USP39: variants seen among roughly 807,000 people sequenced by gnomAD.
The protein encoded by USP39 is ubiquitin carboxyl-terminal hydrolase 39.
In USP39, 38 loss-of-function variants were observed where a neutral mutation model predicts 66.4. The observed-to-expected ratio is 0.57, with a 90% CI of 0.44 to 0.75. The LOEUF (loss-of-function observed/expected upper bound fraction) is 0.75. USP39 is among the 30% of genes least tolerant of loss of function. The pLI, the probability that USP39 is intolerant of heterozygous loss-of-function variation, is 0.00. For synonymous variants in USP39, 303 were observed against 274.6 expected, an observed-to-expected ratio of 1.10 and a Z score of -1.02; for missense variants, 608 against 714.4, an observed-to-expected ratio of 0.85 and a Z score of 1.70.
chr2:85,603,783 C>CG (rs1183114342), intron 1 of USP39, among the ~76,000 whole-genome samples: 1 of 152,028 alleles, frequency 6.6e-6, no homozygotes, highest in Admixed American at 6.6e-5. Flanking sequence ...TTAGTAGAGA[C>CG]GGGGTTTCAC....
intron 2 of USP39, 65 bp from the exon 3 acceptor site, chr2:85,621,420 C>T (rs1160539225): frequency 5.0e-6 from 7 of 1,413,778 alleles, no homozygotes; most frequent in African/African-American, 2.8e-5. Context: ...AGAGCCAGCA[C>T]TGCTTCATTT....
At chr2:85,617,680 G>C (rs1001416731) in intron 1 of USP39, among the ~76,000 whole-genome samples, 3 of 152,180 alleles carry the variant, frequency 2.0e-5, no homozygotes, top group Non-Finnish European at 2.9e-5. Flanking sequence ...GATTCTCTAA[G>C]CACGGGGTTC....
intron 1 of USP39, among the ~76,000 whole-genome samples, chr2:85,618,207 C>A (rs1674145346): frequency 6.6e-6 from 1 of 152,086 alleles, no homozygotes; most frequent in East Asian, 2.0e-4. Context: ...CCGCCTGCCT[C>A]TGCCTCCCAG....
Position 85,616,225 on chromosome 2 carries a change from C to A in USP39, c.30C>A (p.Arg10=), listed in dbSNP as rs11544042. ...CCGGCCGGTCTAAGCGGGAGTCTCG[C>A]GGTTCCACTCGCGGGAAGCGAGAGT... is the stretch of plus-strand genomic sequence containing the variant. MSGRSKRES[R]GSTRGKRESE... is the part of the protein sequence containing the mutation. Residue 10 remains arginine (R), a synonymous_variant, in exon 1 of 13, where the codon CGC becomes CGA. Transcript: ENST00000323701. 1 of 1,484,008 alleles carries A rather than the reference C, an allele frequency of 6.7e-7. No individual in the cohort carries two copies. The highest frequency in any genetic ancestry group is 9.0e-7 in the Non-Finnish European group (1 of 1,115,648). 91.9% of individuals were successfully genotyped at this position (1,484,008 alleles called of 1,614,324 possible).
chr2:85,604,352 G>A (rs777682326), intron 1 of USP39, among the ~76,000 whole-genome samples: 1 of 152,070 alleles, frequency 6.6e-6, no homozygotes, highest in Non-Finnish European at 1.5e-5. Flanking sequence ...TGGGATTACA[G>A]GTGCCTGCCA....
intron 6 of USP39, 47 bp downstream of exon 6, chr2:85,630,993 G>T: frequency 1.3e-6 from 2 of 1,571,930 alleles, no homozygotes; most frequent in South Asian, 1.2e-5. Flanking sequence ...CTAGTTTGAT[G>T]AACAAATTTA....
chr2:85,615,896 C>G (rs1273368486), upstream of USP39, among the ~76,000 whole-genome samples: 2 of 152,052 alleles, frequency 1.3e-5, no homozygotes. Flanking sequence ...TCCCAAAGTG[C>G]TGGGATTACA....
At chr2:85,648,498 T>C (rs1676817312) in intron 12 of USP39, among the ~76,000 whole-genome samples, 1 of 152,208 alleles carries the variant, frequency 6.6e-6, no homozygotes, top group Admixed American at 6.5e-5. Context: ...CTTCTCTTTA[T>C]GTAACTGCCC....
Position 85,616,377 on chromosome 2 carries a change from A to T in USP39, c.182A>T (p.Glu61Val). Residue 61 changes from glutamate to valine, a missense_variant, in exon 1 of 13, where the codon GAG (glutamate) becomes GTG (valine). Glu to Val is a moderately radical substitution (Grantham distance 121). Transcript: ENST00000323701. Reference sequence around the variant, plus strand: ...GAGTTCGAGCCGGCGAGCGCGCGCGAGGCCCCGGCTTCTGTTGTCCCGTTT... The same window carrying T: ...GAGTTCGAGCCGGCGAGCGCGCGCGTGGCCCCGGCTTCTGTTGTCCCGTTT... ...KREFEPASAR[E>V]APASVVPFVR... 1 of 1,602,336 alleles carries T rather than the reference A, an allele frequency of 6.2e-7. No homozygotes were observed. The highest frequency in any genetic ancestry group is 8.5e-7 in the Non-Finnish European group (1 of 1,174,622).
At chr2:85,625,237 G>A (rs1674759374) in intron 4 of USP39, among the ~76,000 whole-genome samples, 1 of 152,132 alleles carries the variant, frequency 6.6e-6, no homozygotes. Flanking sequence ...CTGCCTTTAG[G>A]AACTTGAGTA....
intron 3 of USP39, among the ~76,000 whole-genome samples, chr2:85,622,054 A>G (rs1235410637): frequency 6.6e-6 from 1 of 152,048 alleles, no homozygotes; most frequent in Non-Finnish European, 1.5e-5. Flanking sequence ...TCCTGGCCGC[A>G]GGTGATCCAC....
At chr2:85,612,050 G>C (rs1673587688), upstream of USP39, 1 of 1,205,740 alleles carries the variant, frequency 8.3e-7, no homozygotes. Context: ...CGCCCACAGA[G>C]CTCCGCGCCG....
Position 85,616,248 on chromosome 2 carries a change from A to G in USP39, c.53A>G (p.Glu18Gly). 6.6e-7 allele frequency: 1 copy of G among 1,504,098 alleles called. No individual in the cohort carries two copies. Among genetic ancestry groups the G allele is most frequent in the Non-Finnish European group, 8.9e-7 (1 of 1,124,110 alleles). 93.2% of individuals were successfully genotyped at this position (1,504,098 alleles called of 1,614,324 possible). The change falls in exon 1 of 13, where the codon GAG becomes GGG. Residue 18 changes from glutamate (E) to glycine (G), a missense_variant. Glu to Gly is a moderately conservative substitution (Grantham distance 98, BLOSUM62 -2). Coordinates refer to ENST00000323701, the MANE Select transcript of USP39 (RefSeq NM_006590.4). ...ESRGSTRGKRESESRGSSGRV... is the reference protein window; with the variant it reads ...ESRGSTRGKRGSESRGSSGRV... ...CGCGGTTCCACTCGCGGGAAGCGAG[A>G]GTCTGAGTCGCGGGGCAGCTCCGGT...
chr2:85,621,783 A>G lies in USP39; in HGVS notation c.433+204A>G, dbSNP rs192160200. The stretch of plus-strand genomic sequence containing the variant: ...CTGTAAGGGAGAAAGAGCTAGTCAT[A>G]TGAAAGACTGTAATCTTAAAGACTC... On this transcript the variant is annotated intron_variant, in intron 3 of 12. Coordinates refer to ENST00000323701, the MANE Select transcript of USP39 (RefSeq NM_006590.4). Among the ~76,000 whole-genome samples the G allele has an allele frequency of 2.6e-4, 39 of 152,288 alleles. No homozygotes were observed. Among genetic ancestry groups the G allele is most frequent in the Middle Eastern group, 3.4e-3 (1 of 294 alleles).
At chr2:85,619,373 A>G (rs961582427) in intron 2 of USP39, 84 bp downstream of exon 2, 14 of 1,417,858 alleles carry the variant, frequency 9.9e-6, no homozygotes, top group Non-Finnish European at 1.3e-5. Flanking sequence ...TGAACAACAC[A>G]TTGACAAACT....
At chr2:85,605,508 G>A (rs1335749025) in intron 1 of USP39, among the ~76,000 whole-genome samples, 4 of 152,274 alleles carry the variant, frequency 2.6e-5, no homozygotes, top group African/African-American at 7.2e-5. Flanking sequence ...GGGAAATTTC[G>A]GGTGGGTGCC....
At chr2:85,615,994 A>G, upstream of USP39, 2 of 1,160,814 alleles carry the variant, frequency 1.7e-6, no homozygotes, top group Non-Finnish European at 1.1e-6. Context: ...TGTAAACGAC[A>G]GTAGGCCCAC....
At chr2:85,639,423 C>T (rs1399573162) in intron 9 of USP39, 32 bp downstream of exon 9, 1 of 1,545,460 alleles carries the variant, frequency 6.5e-7, no homozygotes, top group Non-Finnish European at 8.8e-7. Flanking sequence ...CCTGCCTATA[C>T]TTACCCTCGC....
intron 10 of USP39, among the ~76,000 whole-genome samples, chr2:85,642,067 A>G (rs1022357010): frequency 6.6e-6 from 1 of 152,100 alleles, no homozygotes; most frequent in Non-Finnish European, 1.5e-5. Flanking sequence ...TTTTCTGGAT[A>G]TGTTCTCTCA....
Sources: allele counts gnomAD v4.1 joint callset (sites outside exome capture counted in the v4.1 genomes callset), GRCh38; gene constraint gnomAD v4.1.1; transcripts MANE v1.5; gene names NCBI Gene and HGNC (gene_info 2026-07-23, HGNC 2026-07-21).